Variants in ST18 observed in about 807,000 individuals in gnomAD.
The protein encoded by ST18 is suppression of tumorigenicity 18 protein.
ST18 carries 50 observed loss-of-function variants against 110.0 expected under a neutral mutation model. The ratio of observed to expected loss-of-function variants is 0.45; its 90% CI spans 0.36 to 0.58. The LOEUF (loss-of-function observed/expected upper bound fraction) is 0.58. Among genes scored for constraint, ST18 ranks in the 20% least tolerant of loss-of-function variants. The pLI is 0.00. For missense variants in ST18, 1,306 were observed against 1,280.1 expected, an observed-to-expected ratio of 1.02 and a Z score of -0.31; for synonymous variants, 461 against 452.4, an observed-to-expected ratio of 1.02 and a Z score of -0.24.
intron 16 of ST18, among the ~76,000 whole-genome samples, chr8:52,144,025 G>C (rs1477936382): frequency 6.6e-6 from 1 of 152,026 alleles, no homozygotes; most frequent in African/African-American, 2.4e-5. Context: ...GGAATTTCTT[G>C]TTGGATATTC....
At chr8:52,382,752 ATT>A (rs57816349) in intron 2 of ST18, among the ~76,000 whole-genome samples, 15 of 143,194 alleles carry the variant, frequency 1.0e-4, no homozygotes, top group South Asian at 2.2e-4. Context: ...TTCATTTACA[ATT>A]TTTTTTTTTT....
intron 2 of ST18, among the ~76,000 whole-genome samples, chr8:52,253,160 A>G (rs925335772): frequency 1.3e-5 from 2 of 152,048 alleles, no homozygotes; most frequent in African/African-American, 4.8e-5. Flanking sequence ...GTTACAGTGC[A>G]TACTTCGACT....
At chr8:52,214,849 A>C (rs1172602785) in intron 6 of ST18, among the ~76,000 whole-genome samples, 1 of 152,198 alleles carries the variant, frequency 6.6e-6, no homozygotes, top group East Asian at 1.9e-4. Flanking sequence ...AGGAAAGTGA[A>C]ATTTGAGTGA....
Position 52,161,399 on chromosome 8 carries a change from G to C in ST18, c.1570C>G (p.Arg524Gly). The C allele has an allele frequency of 6.2e-7, 1 of 1,613,804 alleles. No individual in the cohort carries two copies. The highest frequency in any genetic ancestry group is 8.5e-7 in the Non-Finnish European group (1 of 1,179,916). ...KRPLIQTVQG[R>G]KTPPFPESKH... ...CATTCAGGAAATGGTGGTGTTTTTC[G>C]TCCTTGCACTGTTTGTATGAGAGGG... Residue 524 changes from arginine (R) to glycine (G), a missense_variant, in exon 14 of 26, where the codon CGA becomes GGA. Coordinates refer to ENST00000689386, the MANE Select transcript of ST18 (RefSeq NM_001352837.2).
In ST18 at chr8:52,112,617, T is replaced by C. The variant is rs1196273065; in HGVS notation, c.*581A>G. 1.6e-4 allele frequency: 25 copies of C among 152,618 alleles called. No individual in the cohort carries two copies. The highest frequency in any genetic ancestry group is 1.2e-4 in the Non-Finnish European group (8 of 68,048). The allele number at this position is 152,618 out of a possible 1,614,324, so 9.5% of individuals were successfully genotyped here. A position where few individuals can be genotyped will look rare whatever the true frequency, so the allele number is the denominator to read the frequency against. ...CTTATTCCTTCCGTGCAGCTCACCT[T>C]ACCGCAAATTCATTTATAAATACAA... On this transcript the variant is annotated 3_prime_UTR_variant, in exon 26 of 26. Coordinates refer to ENST00000689386, the MANE Select transcript of ST18 (RefSeq NM_001352837.2).
At chr8:52,288,685 C>T (rs2095507124) in intron 2 of ST18, among the ~76,000 whole-genome samples, 1 of 147,930 alleles carries the variant, frequency 6.8e-6, no homozygotes, top group Non-Finnish European at 1.5e-5. Context: ...TAGACTAAGA[C>T]TCAGTCTCAA....
chr8:52,178,133 A>G (rs2067645940), intron 9 of ST18, among the ~76,000 whole-genome samples: 1 of 152,182 alleles, frequency 6.6e-6, no homozygotes, highest in Non-Finnish European at 1.5e-5. Flanking sequence ...ACAAACTACA[A>G]TAGAAGGTGA....
intron 9 of ST18, among the ~76,000 whole-genome samples, chr8:52,176,544 C>T (rs867304335): frequency 1.3e-5 from 2 of 152,156 alleles, no homozygotes; most frequent in Non-Finnish European, 2.9e-5. Flanking sequence ...TTTCTCCATC[C>T]GGAGCACATT....
chr8:52,238,772 A>C (rs926716892), intron 2 of ST18, among the ~76,000 whole-genome samples: 1 of 149,584 alleles, frequency 6.7e-6, no homozygotes, highest in Non-Finnish European at 1.5e-5. Flanking sequence ...AGAAAGTCAA[A>C]TACCACATGT....
Position 52,321,187 on chromosome 8 carries a change from CCA to C in ST18, c.-465+88139_-465+88140del, listed in dbSNP as rs1803743329. ...AAACACCTGGACGGGAAGAGACACT[CCA>C]ATCTCAGGGTGAGGCTACCTTTTGG... is the stretch of plus-strand genomic sequence containing the variant. On this transcript the variant is annotated intron_variant, in intron 2 of 25. Transcript: ENST00000689386. 4.6e-5 allele frequency among the ~76,000 whole-genome samples: 7 copies of C among 152,234 alleles called. No homozygotes were observed. In the South Asian group the frequency reaches 1.5e-3, roughly 32 times the overall value.
chr8:52,155,078 G>A (rs1464410482), intron 15 of ST18, among the ~76,000 whole-genome samples: 4 of 147,260 alleles, frequency 2.7e-5, no homozygotes, highest in Non-Finnish European at 3.0e-5. Context: ...GGCGCACGCC[G>A]GTAGTCCCAG....
intron 2 of ST18, among the ~76,000 whole-genome samples, chr8:52,282,973 G>C (rs975689193): frequency 6.6e-6 from 1 of 152,144 alleles, no homozygotes; most frequent in Non-Finnish European, 1.5e-5. Context: ...TGCCACGAAG[G>C]GTACATAAGA....
At chr8:52,117,604 A>C (rs141934992) in intron 24 of ST18, among the ~76,000 whole-genome samples, 11 of 152,194 alleles carry the variant, frequency 7.2e-5, no homozygotes, top group Admixed American at 4.6e-4. Context: ...TGGGTAAGGA[A>C]ACCTAAATTT....
At position 52,161,500 on chromosome 8, in the gene ST18, A is replaced by G. The variant is rs752881468; in HGVS notation, c.1469T>C (p.Val490Ala). The change falls in exon 14 of 26, where the codon GTG becomes GCG. Residue 490 changes from valine (V) to alanine (A), a missense_variant. By Grantham distance (64) the Val-to-Ala change is moderately conservative. Transcript: ENST00000689386. ...SQAITSPRAT[V>A]SKEQEKFGKV... ...TCCAAACTTCTCTTGTTCTTTTGAC[A>G]CTGTGGCTCTGGGAGAGGTGATGGC... The G allele has an allele frequency of 1.9e-6, 3 of 1,614,216 alleles. No homozygotes were observed. Among genetic ancestry groups the G allele is most frequent in the Non-Finnish European group, 1.7e-6 (2 of 1,180,034 alleles).
chr8:52,357,764 T>C (rs1347898260), intron 2 of ST18, among the ~76,000 whole-genome samples: 1 of 126,848 alleles, frequency 7.9e-6, no homozygotes, highest in Non-Finnish European at 1.7e-5. Context: ...AGTTCCACAA[T>C]AATATTTGGA....
intron 24 of ST18, among the ~76,000 whole-genome samples, chr8:52,117,985 C>T (rs2043163551): frequency 6.6e-6 from 1 of 152,116 alleles, no homozygotes; most frequent in Non-Finnish European, 1.5e-5. Flanking sequence ...CAAAAAGTTG[C>T]TATATTTTAC....
chr8:52,217,078 T>C (rs1177408451), intron 6 of ST18, among the ~76,000 whole-genome samples: 1 of 152,234 alleles, frequency 6.6e-6, no homozygotes, highest in Non-Finnish European at 1.5e-5. Context: ...GACTTGATCG[T>C]CTTTACTGCC....
chr8:52,163,710 A>C (rs559729790), intron 13 of ST18, among the ~76,000 whole-genome samples: 25 of 152,166 alleles, frequency 1.6e-4, no homozygotes, highest in Non-Finnish European at 3.1e-4. Flanking sequence ...AATGTAGGCT[A>C]TGGTATATTA....
intron 16 of ST18, among the ~76,000 whole-genome samples, chr8:52,149,531 T>C (rs2058249671): frequency 1.3e-5 from 2 of 152,252 alleles, no homozygotes; most frequent in African/African-American, 4.8e-5. Flanking sequence ...GACATTATTT[T>C]AGGCAAGTGA....
Sources: allele counts gnomAD v4.1 joint callset (sites outside exome capture counted in the v4.1 genomes callset), GRCh38; gene constraint gnomAD v4.1.1; transcripts MANE v1.5; gene names NCBI Gene and HGNC (gene_info 2026-07-23, HGNC 2026-07-21).